CYP4F22: variants seen among roughly 807,000 people sequenced by gnomAD.
CYP4F22 encodes the protein ultra-long-chain fatty acid omega-hydroxylase.
A neutral mutation model predicts 60.4 loss-of-function variants in CYP4F22; 37 were observed. The ratio of observed to expected loss-of-function variants is 0.61; its 90% CI spans 0.47 to 0.81. The LOEUF (loss-of-function observed/expected upper bound fraction) is 0.81, where lower values mean the gene tolerates loss of function less well. Among genes scored for constraint, CYP4F22 ranks in the 30% least tolerant of loss-of-function variants. The pLI is 0.00. For missense variants in CYP4F22, 655 were observed against 715.0 expected, an observed-to-expected ratio of 0.92 and a Z score of 0.96; for synonymous variants, 258 against 280.5, an observed-to-expected ratio of 0.92 and a Z score of 0.80.
chr19:15,537,437 G>A, intron 5 of CYP4F22, 23 bp downstream of exon 5: 1 of 1,614,182 alleles, frequency 6.2e-7, no homozygotes, highest in East Asian at 2.2e-5. Context: ...TGGGTAGGCT[G>A]GGGCTGGGGC....
At chr19:15,526,850 TCCTCCTGCCTCAG>T (rs1290834656) in intron 3 of CYP4F22, among the ~76,000 whole-genome samples, 2 of 151,480 alleles carry the variant, frequency 1.3e-5, no homozygotes. Context: ...GCTCAAGGGA[TCCTCCTGCCTCAG>T]CCTCCCAAGT....
At chr19:15,525,257 G>A in intron 2 of CYP4F22, 79 bp from the exon 3 acceptor site, 1 of 1,402,786 alleles carries the variant, frequency 7.1e-7, no homozygotes, top group Non-Finnish European at 9.9e-7. Flanking sequence ...AACCTTCTGT[G>A]CACTAGGCAC....
chr19:15,528,184 G>A (rs1181033323), intron 3 of CYP4F22, among the ~76,000 whole-genome samples: 1 of 152,144 alleles, frequency 6.6e-6, no homozygotes, highest in Non-Finnish European at 1.5e-5. Flanking sequence ...TGGGCACAGT[G>A]GCTCACACCT....
Position 15,525,349 on chromosome 19 carries a change from A to G in CYP4F22, c.13A>G (p.Thr5Ala), listed in dbSNP as rs747319915. 6.2e-7 allele frequency: 1 copy of G among 1,613,652 alleles called. No homozygotes were observed. The highest frequency in any genetic ancestry group is 1.1e-5 in the South Asian group (1 of 91,080). MLPI[T>A]DRLLHLLGLE... The stretch of plus-strand genomic sequence containing the variant: ...GTGTGTCCCCAGGATGCTGCCCATC[A>G]CAGACCGCCTGCTGCACCTCCTGGG... The change falls in exon 3 of 14, where the codon ACA (threonine) becomes GCA (alanine). Residue 5 changes from threonine to alanine, a missense_variant. Around this residue, in one of 3 missense-constraint regions of CYP4F22, gnomAD observed 430 missense variants for 457.1 expected, o/e 0.94. Coordinates refer to ENST00000269703, the MANE Select transcript of CYP4F22 (RefSeq NM_173483.4).
At chr19:15,531,891 G>A (rs969943480) in intron 4 of CYP4F22, among the ~76,000 whole-genome samples, 3 of 152,120 alleles carry the variant, frequency 2.0e-5, no homozygotes, top group Non-Finnish European at 2.9e-5. Flanking sequence ...GATCACTTGA[G>A]CCCAGGAGTT....
At chr19:15,537,162 A>T (rs149772346) in intron 4 of CYP4F22, among the ~76,000 whole-genome samples, 199 bp from the exon 5 acceptor site, 1 of 152,106 alleles carries the variant, frequency 6.6e-6, no homozygotes, top group Non-Finnish European at 1.5e-5. Flanking sequence ...TTAGCCGGGC[A>T]TGGTGGCGGA....
At chr19:15,519,607 T>G (rs972271800) in intron 1 of CYP4F22, among the ~76,000 whole-genome samples, 3 of 151,036 alleles carry the variant, frequency 2.0e-5, no homozygotes, top group African/African-American at 7.3e-5. Flanking sequence ...TGGGCAGGAG[T>G]GAGTTCCTGA....
At chr19:15,524,986 T>C (rs1192919834) in intron 2 of CYP4F22, among the ~76,000 whole-genome samples, 1 of 152,030 alleles carries the variant, frequency 6.6e-6, no homozygotes, top group African/African-American at 2.4e-5. Context: ...GTGAGGGAGC[T>C]GGGGTATTTA....
chr19:15,548,989 G>T, intron 11 of CYP4F22, 149 bp from the exon 12 acceptor site: 1 of 801,504 alleles, frequency 1.2e-6, no homozygotes. Flanking sequence ...AGTGGATGGG[G>T]CAGCAGAATT....
chr19:15,551,633 C>A lies in CYP4F22; in HGVS notation c.*162C>A, dbSNP rs1971599091. 2 of 910,386 alleles carry A rather than the reference C, an allele frequency of 2.2e-6. No individual in the cohort carries two copies. Among genetic ancestry groups the A allele is most frequent in the Admixed American group, 2.7e-5 (1 of 36,640 alleles). The allele number at this position is 910,386 out of a possible 1,614,324, so 56.4% of individuals were successfully genotyped here. ...TTGAGCAGCCTGGTGGTACTGGCCACGCCCCTCAAGGCAAGGCTCCTCCCC... is the reference window on the plus strand; with the variant it reads ...TTGAGCAGCCTGGTGGTACTGGCCAAGCCCCTCAAGGCAAGGCTCCTCCCC... On this transcript the variant is annotated 3_prime_UTR_variant, in exon 14 of 14. Coordinates refer to ENST00000269703, the MANE Select transcript of CYP4F22 (RefSeq NM_173483.4).
intron 10 of CYP4F22, 33 bp from the exon 11 acceptor site, chr19:15,548,075 C>T: frequency 6.2e-7 from 1 of 1,605,112 alleles, no homozygotes; most frequent in Non-Finnish European, 8.5e-7. Context: ...GCCATGGTGG[C>T]TCGGCCTCTA....
intron 1 of CYP4F22, among the ~76,000 whole-genome samples, chr19:15,519,397 G>A (rs1277853117): frequency 6.6e-6 from 1 of 151,980 alleles, no homozygotes; most frequent in Non-Finnish European, 1.5e-5. Flanking sequence ...CGAGTAGCTG[G>A]GACTACAGGC....
intron 10 of CYP4F22, among the ~76,000 whole-genome samples, chr19:15,547,266 C>T (rs182599521): frequency 6.6e-5 from 10 of 152,044 alleles, no homozygotes; most frequent in East Asian, 5.8e-4. Flanking sequence ...CTCAGACGAT[C>T]GCCCATCTCA....
At chr19:15,515,047 G>A (rs553529385) in intron 1 of CYP4F22, among the ~76,000 whole-genome samples, 4 of 152,180 alleles carry the variant, frequency 2.6e-5, no homozygotes, top group Admixed American at 1.3e-4. Flanking sequence ...TGCCCAGGGC[G>A]TGGATCTGCT....
At chr19:15,526,405 G>T (rs1465205115) in intron 3 of CYP4F22, among the ~76,000 whole-genome samples, 2 of 152,108 alleles carry the variant, frequency 1.3e-5, no homozygotes, top group African/African-American at 4.8e-5. Flanking sequence ...TGTTGCCTAG[G>T]CTGATCTTGA....
chr19:15,520,457 C>T (rs1971210572), intron 1 of CYP4F22, among the ~76,000 whole-genome samples: 1 of 149,226 alleles, frequency 6.7e-6, no homozygotes, highest in Non-Finnish European at 1.5e-5. Flanking sequence ...GTGACAAACA[C>T]TAAGTTTTAC....
intron 1 of CYP4F22, among the ~76,000 whole-genome samples, chr19:15,519,264 T>A (rs34675922): frequency 0.63 from 92,591 of 146,620 alleles, 29,434 homozygotes; most frequent in Middle Eastern, 0.73. Flanking sequence ...GAGAATGGGA[T>A]TTTTTTTTTT....
chr19:15,529,367 G>A (rs1971317492), intron 3 of CYP4F22, among the ~76,000 whole-genome samples: 1 of 152,064 alleles, frequency 6.6e-6, no homozygotes, highest in African/African-American at 2.4e-5. Context: ...GACCTCAGGT[G>A]ATCTGCTTGC....
At chr19:15,545,116 A>C (rs1971506914) in intron 10 of CYP4F22, among the ~76,000 whole-genome samples, 1 of 151,806 alleles carries the variant, frequency 6.6e-6, no homozygotes, top group African/African-American at 2.4e-5. Flanking sequence ...AAAAAAAAAA[A>C]CAAAAGCTGT....
Sources: gnomAD v4.1 joint callset for allele counts (sites outside exome capture counted in the v4.1 genomes callset) on GRCh38, gnomAD v4.1.1 for gene constraint, gnomAD v4.1.1 regional missense constraint, MANE v1.5 for transcripts, NCBI Gene and HGNC (gene_info 2026-07-23, HGNC 2026-07-21) for gene names.